SORCS3: variants seen among roughly 807,000 people sequenced by gnomAD.
SORCS3 encodes the protein VPS10 domain-containing receptor SorCS3.
SORCS3 carries 57 observed loss-of-function variants against 146.3 expected under a neutral mutation model. That is an observed-to-expected ratio of 0.39 (90% CI 0.31 to 0.49). The LOEUF is 0.49. SORCS3 is among the 20% of genes least tolerant of loss of function. SORCS3 has a pLI of 0.92. For missense variants in SORCS3, 1,341 were observed against 1,575.5 expected, an observed-to-expected ratio of 0.85 and a Z score of 2.52; for synonymous variants, 653 against 618.5, an observed-to-expected ratio of 1.06 and a Z score of -0.83.
intron 3 of SORCS3, among the ~76,000 whole-genome samples, chr10:104,921,029 A>G (rs1188968473): frequency 6.6e-6 from 1 of 152,226 alleles, no homozygotes; most frequent in Non-Finnish European, 1.5e-5. Flanking sequence ...AAGATGAGGA[A>G]TAGTATATTA....
rs1006295016 is a variant in SORCS3 at position 105,039,471 on chromosome 10, T to C, written c.955-3584T>C. ...GCTCTCTTTTTTTTTTTTTTTTTTT[T>C]TTTGAGATGGAGTCTTGCTCTGTCA... On this transcript the variant is annotated intron_variant, in intron 4 of 26. Transcript: ENST00000369701. Among the ~76,000 whole-genome samples, 18 of 147,242 alleles carry C rather than the reference T, an allele frequency of 1.2e-4. 1 individual carries two copies. In the East Asian group the frequency reaches 3.5e-3, roughly 29 times the overall value.
intron 1 of SORCS3, among the ~76,000 whole-genome samples, chr10:104,839,183 C>G (rs1359424137): frequency 6.6e-6 from 1 of 152,190 alleles, no homozygotes; most frequent in African/African-American, 2.4e-5. Context: ...CAATCCCTAC[C>G]TTAAGTTGTT....
chr10:105,258,276 AC>A lies in SORCS3; in HGVS notation c.3443+1356del, dbSNP rs372078246. ...TGGATCAAGATGTGTTAACCCACAT[AC>A]CCCTGTTCCCTTTGAAGGGTGGATA... On this transcript the variant is annotated intron_variant, in intron 25 of 26. Transcript: ENST00000369701. Among the ~76,000 whole-genome samples, 169 of 152,276 alleles carry A rather than the reference AC, an allele frequency of 1.1e-3. 2 individuals carry two copies. The highest frequency in any genetic ancestry group is 3.9e-3 in the African/African-American group (164 of 41,548).
chr10:104,781,212 A>G (rs974483882), intron 1 of SORCS3, among the ~76,000 whole-genome samples: 5 of 152,352 alleles, frequency 3.3e-5, no homozygotes, highest in Middle Eastern at 3.4e-3. Context: ...AACAGTTGAC[A>G]GCAAGTCATC....
intron 2 of SORCS3, among the ~76,000 whole-genome samples, chr10:104,911,767 T>G (rs182153550): frequency 6.6e-6 from 1 of 152,200 alleles, no homozygotes; most frequent in Non-Finnish European, 1.5e-5. Flanking sequence ...TCTGAGCTCT[T>G]TTTTTAACTA....
chr10:104,696,493 T>TAATATATAATATAG (rs2016202042), intron 1 of SORCS3, among the ~76,000 whole-genome samples: 12 of 55,622 alleles, frequency 2.2e-4, no homozygotes, highest in South Asian at 6.3e-4. Context: ...ATATAATATA[T>TAATATATAATATAG]AATATATATA....
At chr10:105,158,545 G>A (rs1464927604) in intron 10 of SORCS3, among the ~76,000 whole-genome samples, 2 of 152,162 alleles carry the variant, frequency 1.3e-5, no homozygotes, top group Admixed American at 6.5e-5. Context: ...GATCAGAAAT[G>A]CGAGAATGTT....
intron 4 of SORCS3, among the ~76,000 whole-genome samples, chr10:104,982,536 T>A (rs935037979): frequency 5.3e-5 from 8 of 152,186 alleles, no homozygotes; most frequent in African/African-American, 1.9e-4. Flanking sequence ...CTGAGGAATA[T>A]GAGTGGGACT....
chr10:105,061,806 G>A (rs957320929), intron 5 of SORCS3, among the ~76,000 whole-genome samples: 3 of 152,126 alleles, frequency 2.0e-5, no homozygotes, highest in Admixed American at 2.0e-4. Context: ...TAGCTGGGAT[G>A]GCCCTTCAGA....
intron 3 of SORCS3, among the ~76,000 whole-genome samples, chr10:104,970,570 G>C (rs2054855187): frequency 6.6e-6 from 1 of 152,134 alleles, no homozygotes; most frequent in Admixed American, 6.5e-5. Context: ...TAGTGCCATG[G>C]GAAGAGGAAG....
At chr10:105,165,221 G>C (rs13377154) in intron 12 of SORCS3, among the ~76,000 whole-genome samples, 1 of 151,974 alleles carries the variant, frequency 6.6e-6, no homozygotes, top group Admixed American at 6.6e-5. Context: ...AAATGGGTTC[G>C]TAGCTAGATA....
At chr10:105,227,039 A>G (rs1405127359) in intron 20 of SORCS3, among the ~76,000 whole-genome samples, 1 of 151,414 alleles carries the variant, frequency 6.6e-6, no homozygotes, top group Non-Finnish European at 1.5e-5. Flanking sequence ...TTATTTTTTT[A>G]GTCTCTATTT....
chr10:104,863,053 A>AT (rs1447611648), intron 2 of SORCS3, among the ~76,000 whole-genome samples: 9 of 152,198 alleles, frequency 5.9e-5, no homozygotes, highest in African/African-American at 2.2e-4. Flanking sequence ...TAGGTACGTT[A>AT]TACTCTTCCT....
intron 1 of SORCS3, among the ~76,000 whole-genome samples, chr10:104,799,734 G>A (rs1265482074): frequency 6.6e-6 from 1 of 151,814 alleles, no homozygotes; most frequent in East Asian, 1.9e-4. Flanking sequence ...GGAGTGCAGT[G>A]GTGCGATCTT....
chr10:105,244,274 A>ATAT (rs1554889718), intron 20 of SORCS3, among the ~76,000 whole-genome samples: 1 of 150,544 alleles, frequency 6.6e-6, no homozygotes, highest in Non-Finnish European at 1.5e-5. Flanking sequence ...AGGAAAAAAA[A>ATAT]ATATATATAT....
intron 6 of SORCS3, among the ~76,000 whole-genome samples, chr10:105,090,241 A>T (rs967741337): frequency 6.6e-6 from 1 of 152,154 alleles, no homozygotes; most frequent in African/African-American, 2.4e-5. Flanking sequence ...ATGGGGCATT[A>T]TTTGCAAAAC....
intron 1 of SORCS3, among the ~76,000 whole-genome samples, chr10:104,727,278 G>C (rs1457083840): frequency 6.6e-6 from 1 of 152,072 alleles, no homozygotes; most frequent in Non-Finnish European, 1.5e-5. Flanking sequence ...TTATTGTTTT[G>C]TTGATTGCAA....
chr10:105,116,078 A>T (rs533980709), intron 7 of SORCS3, among the ~76,000 whole-genome samples: 144 of 152,348 alleles, frequency 9.5e-4, no homozygotes, highest in Middle Eastern at 3.4e-3. Flanking sequence ...TGCATCTCCT[A>T]TATGTGTAAT....
At position 104,815,148 on chromosome 10, in the gene SORCS3, C is replaced by T. The variant is rs1293756753; in HGVS notation, c.628-27644C>T. ...ACCCCAGAGATTTACAGTCAGTTATCACCACTGTAAAGAACAATGTGAAAG... is the reference window on the plus strand; with the variant it reads ...ACCCCAGAGATTTACAGTCAGTTATTACCACTGTAAAGAACAATGTGAAAG... On this transcript the variant is annotated intron_variant, in intron 1 of 26. Coordinates refer to ENST00000369701, the MANE Select transcript of SORCS3 (RefSeq NM_014978.3). Among the ~76,000 whole-genome samples the T allele has an allele frequency of 2.6e-5, 4 of 152,130 alleles. No homozygotes were observed. The East Asian group carries it at 7.7e-4, about 29-fold the overall frequency.
Sources: allele counts gnomAD v4.1 joint callset (sites outside exome capture counted in the v4.1 genomes callset), GRCh38; gene constraint gnomAD v4.1.1; transcripts MANE v1.5; gene names NCBI Gene and HGNC (gene_info 2026-07-23, HGNC 2026-07-21).